Variants in ASIC2 observed in about 807,000 individuals in gnomAD.
ASIC2 encodes acid-sensing ion channel 2.
In ASIC2, 25 loss-of-function variants were observed where a neutral mutation model predicts 57.3. The observed-to-expected ratio is 0.44, with a 90% CI of 0.32 to 0.61. The LOEUF (loss-of-function observed/expected upper bound fraction) is 0.61, where lower values mean the gene tolerates loss of function less well. Among genes scored for constraint, ASIC2 ranks in the 20% least tolerant of loss-of-function variants. ASIC2 has a pLI of 0.06. For missense variants in ASIC2, 641 were observed against 738.1 expected (o/e 0.87, Z 1.52); for synonymous variants, 319 against 307.5 (o/e 1.04, Z -0.39).
intron 1 of ASIC2, among the ~76,000 whole-genome samples, chr17:33,644,438 A>G (rs1190859542): frequency 1.3e-5 from 2 of 152,128 alleles, no homozygotes; most frequent in African/African-American, 2.4e-5. Context: ...TTCATCATCT[A>G]TTTGATCTCT....
chr17:33,536,862 G>A (rs907339711), intron 1 of ASIC2, among the ~76,000 whole-genome samples: 7 of 152,044 alleles, frequency 4.6e-5, no homozygotes, highest in African/African-American at 7.2e-5. Flanking sequence ...AGCCAGGTGT[G>A]GTAGCACTCA....
At chr17:33,321,120 G>A (rs1906852135) in intron 1 of ASIC2, among the ~76,000 whole-genome samples, 1 of 152,160 alleles carries the variant, frequency 6.6e-6, no homozygotes, top group South Asian at 2.1e-4. Flanking sequence ...TCACAGGGTA[G>A]CCACATGTTT....
chr17:33,970,150 C>T (rs2141997681), intron 1 of ASIC2, among the ~76,000 whole-genome samples: 1 of 152,280 alleles, frequency 6.6e-6, no homozygotes, highest in South Asian at 2.1e-4. Flanking sequence ...TTGTAGGATG[C>T]TAAGCAGCGT....
At chr17:33,280,147 C>T (rs571805342) in intron 1 of ASIC2, among the ~76,000 whole-genome samples, 4 of 152,206 alleles carry the variant, frequency 2.6e-5, no homozygotes, top group South Asian at 2.1e-4. Flanking sequence ...CACCTAAGAG[C>T]GTAGGAGACA....
chr17:34,145,802 T>G (rs911197211), intron 1 of ASIC2, among the ~76,000 whole-genome samples: 2 of 152,334 alleles, frequency 1.3e-5, no homozygotes, highest in Admixed American at 1.3e-4. Flanking sequence ...GAGCATCACC[T>G]CTGGTCAGCC....
At chr17:33,781,477 A>C (rs1911452519) in intron 1 of ASIC2, among the ~76,000 whole-genome samples, 1 of 152,180 alleles carries the variant, frequency 6.6e-6, no homozygotes, top group Admixed American at 6.5e-5. Flanking sequence ...TAGAGGGGTG[A>C]GGTAGGGTGA....
chr17:33,599,179 A>G (rs1442204273), intron 1 of ASIC2, among the ~76,000 whole-genome samples: 2 of 152,154 alleles, frequency 1.3e-5, no homozygotes, highest in Non-Finnish European at 2.9e-5. Context: ...TTTTTTTGAA[A>G]ATGTGAGTGA....
At chr17:33,026,961 A>G (rs2141902139) in intron 4 of ASIC2, among the ~76,000 whole-genome samples, 1 of 152,240 alleles carries the variant, frequency 6.6e-6, no homozygotes, top group East Asian at 1.9e-4. Context: ...TTTTATTATT[A>G]TTCGTATTTA....
At chr17:33,929,628 T>A (rs1184548895) in intron 1 of ASIC2, among the ~76,000 whole-genome samples, 1 of 152,196 alleles carries the variant, frequency 6.6e-6, no homozygotes, top group Non-Finnish European at 1.5e-5. Context: ...GACAGCAGCC[T>A]CAGGAGGACA....
At chr17:33,191,214 G>T (rs1400860591) in intron 1 of ASIC2, among the ~76,000 whole-genome samples, 1 of 152,130 alleles carries the variant, frequency 6.6e-6, no homozygotes, top group Non-Finnish European at 1.5e-5. Flanking sequence ...CTCAGTTAAA[G>T]AAGTCAGACA....
At chr17:33,162,785 G>C (rs146431433) in intron 1 of ASIC2, among the ~76,000 whole-genome samples, 52 of 152,312 alleles carry the variant, frequency 3.4e-4, no homozygotes, top group African/African-American at 1.1e-3. Context: ...TAGGTAGGGG[G>C]CCGTGGCTCC....
intron 1 of ASIC2, among the ~76,000 whole-genome samples, chr17:33,990,368 A>C (rs1597964791): frequency 6.6e-6 from 1 of 152,336 alleles, no homozygotes; most frequent in South Asian, 2.1e-4. Flanking sequence ...TTTAAAAAAA[A>C]ATTTTAATAT....
intron 1 of ASIC2, among the ~76,000 whole-genome samples, chr17:33,992,590 A>T (rs1906032799): frequency 6.6e-6 from 1 of 152,348 alleles, no homozygotes; most frequent in Middle Eastern, 3.4e-3. Flanking sequence ...GCTAACTCAC[A>T]TTGGCTCGCA....
chr17:34,137,618 T>A (rs988747167), intron 1 of ASIC2, among the ~76,000 whole-genome samples: 8 of 152,310 alleles, frequency 5.3e-5, no homozygotes, highest in African/African-American at 1.9e-4. Flanking sequence ...ACATCACTTT[T>A]GTCTTAGTCT....
intron 1 of ASIC2, among the ~76,000 whole-genome samples, chr17:33,905,141 CTTTTTTTTTTTTTT>C (rs57064859): frequency 1.1e-5 from 1 of 87,856 alleles, no homozygotes; most frequent in East Asian, 4.0e-4. Context: ...TAGTTTAAGG[CTTTTTTTTTTTTTT>C]TTTTTTTTTT....
intron 1 of ASIC2, among the ~76,000 whole-genome samples, chr17:33,500,981 T>C (rs1387776285): frequency 1.3e-5 from 2 of 152,250 alleles, no homozygotes; most frequent in East Asian, 3.8e-4. Context: ...AGTATCGACA[T>C]GGTGCCTCCC....
intron 1 of ASIC2, among the ~76,000 whole-genome samples, chr17:33,430,589 G>C (rs975245906): frequency 6.6e-6 from 1 of 152,046 alleles, no homozygotes; most frequent in Non-Finnish European, 1.5e-5. Context: ...AGGGTGCTGG[G>C]GCCACAGCAA....
intron 1 of ASIC2, among the ~76,000 whole-genome samples, chr17:33,799,378 CTT>C (rs1567718846): frequency 5.2e-5 from 1 of 19,094 alleles, no homozygotes; most frequent in East Asian, 5.1e-4. Flanking sequence ...TTCTTTCTTC[CTT>C]TCTTTCTTTC....
At chr17:33,999,641 T>C (rs1408443874) in intron 1 of ASIC2, among the ~76,000 whole-genome samples, 2 of 152,190 alleles carry the variant, frequency 1.3e-5, no homozygotes, top group African/African-American at 4.8e-5. Context: ...ACAAAAATTC[T>C]TCACTTTGGC....
Sources: gnomAD v4.1 joint callset for allele counts (sites outside exome capture counted in the v4.1 genomes callset) on GRCh38, gnomAD v4.1.1 for gene constraint, MANE v1.5 for transcripts, NCBI Gene and HGNC (gene_info 2026-07-23, HGNC 2026-07-21) for gene names.